The following PCDHGA5 variants were observed in gnomAD, a reference collection of about 807,000 sequenced individuals.
PCDHGA5 encodes protocadherin gamma subfamily A, 5.
A neutral mutation model predicts 56.7 loss-of-function variants in PCDHGA5; 36 were observed. That is an observed-to-expected ratio of 0.64 (90% CI 0.49 to 0.84). The LOEUF is 0.84. Among genes scored for constraint, PCDHGA5 ranks in the 40% least tolerant of loss-of-function variants. PCDHGA5 has a pLI of 0.00. For synonymous variants in PCDHGA5, 563 were observed against 520.2 expected (o/e 1.08, Z -1.12); for missense variants, 1,305 against 1,201.5 (o/e 1.09, Z -1.27).
At position 141,485,348 on chromosome 5, in the gene PCDHGA5, C is replaced by A; in HGVS notation, c.2422-9459C>A. ...AGATTTCCTGCTGGATACGGACAGT[C>A]TGTCAGCTCGCAGGCTGCAGGTCGC... On this transcript the variant is annotated intron_variant, in intron 1 of 3. Coordinates refer to ENST00000518069, the MANE Select transcript of PCDHGA5 (RefSeq NM_018918.3). This position sits in a 1 kb window ranked among gnomAD's most constrained non-coding sequence, Gnocchi z 5.7. 6.2e-7 allele frequency: 1 copy of A among 1,614,146 alleles called. No individual in the cohort carries two copies. Among genetic ancestry groups the A allele is most frequent in the Non-Finnish European group, 8.5e-7 (1 of 1,180,008 alleles).
At chr5:141,422,950 G>A (rs1388735971) in intron 1 of PCDHGA5, 2 of 1,614,230 alleles carry the variant, frequency 1.2e-6, no homozygotes, top group South Asian at 1.1e-5. Flanking sequence ...CGGCTCCACT[G>A]GCGTGGAGCT....
chr5:141,460,783 T>G (rs1000959104), intron 1 of PCDHGA5, among the ~76,000 whole-genome samples: 1 of 152,030 alleles, frequency 6.6e-6, no homozygotes, highest in Non-Finnish European at 1.5e-5. Flanking sequence ...TGTATACATA[T>G]ATACACACAA....
At position 141,485,163 on chromosome 5, in the gene PCDHGA5, G is replaced by A. The variant is rs2099608470; in HGVS notation, c.2422-9644G>A. 14 of 1,604,624 alleles carry A rather than the reference G, an allele frequency of 8.7e-6. No individual in the cohort carries two copies. The highest frequency in any genetic ancestry group is 1.1e-5 in the Non-Finnish European group (13 of 1,172,560). ...TCTCAGGAGCAAGTAGAGAATTAGCGGGCGGCAGCAATGCTCCGCAAGGTG... is the reference window on the plus strand; with the variant it reads ...TCTCAGGAGCAAGTAGAGAATTAGCAGGCGGCAGCAATGCTCCGCAAGGTG... On this transcript the variant is annotated intron_variant, in intron 1 of 3. Coordinates refer to ENST00000518069, the MANE Select transcript of PCDHGA5 (RefSeq NM_018918.3). The surrounding 1 kb of genome is among the most constrained non-coding windows in gnomAD (Gnocchi z 5.7).
At chr5:141,478,870 G>A (rs1463992722) in intron 1 of PCDHGA5, 6 of 1,273,242 alleles carry the variant, frequency 4.7e-6, no homozygotes, top group Non-Finnish European at 5.2e-6. Flanking sequence ...AGCGATCAGA[G>A]TTTAGCTTGG....
At chr5:141,389,445 G>C in intron 1 of PCDHGA5, 3 of 1,610,528 alleles carry the variant, frequency 1.9e-6, no homozygotes, top group Non-Finnish European at 2.5e-6. Flanking sequence ...CTTCGACCAC[G>C]AGCAGCTGCG....
intron 1 of PCDHGA5, chr5:141,373,858 G>A: frequency 2.2e-6 from 1 of 460,298 alleles, no homozygotes. Context: ...CGTCGCTGTT[G>A]ACCAACCTGG....
intron 1 of PCDHGA5, chr5:141,415,740 GTTTTTTTTTTTTTTTTTTTTT>G: frequency 1.6e-6 from 1 of 617,990 alleles, no homozygotes; most frequent in Non-Finnish European, 2.1e-6. Context: ...GTTTATTAAG[GTTTTTTTTTTTTTTTTTTTTT>G]TTTTTTTTTT....
intron 1 of PCDHGA5, chr5:141,374,262 C>T (rs369097101): frequency 6.2e-7 from 1 of 1,613,942 alleles, no homozygotes; most frequent in Non-Finnish European, 8.5e-7. Flanking sequence ...CAGGAGTTGG[C>T]GGAGCACGGA....
intron 1 of PCDHGA5, chr5:141,414,320 A>G: frequency 1.9e-6 from 3 of 1,613,840 alleles, no homozygotes; most frequent in Middle Eastern, 1.6e-4. Flanking sequence ...GACTCTGAGC[A>G]GAATGGACAG....
intron 1 of PCDHGA5, chr5:141,384,446 C>T (rs781605513): frequency 5.6e-6 from 9 of 1,614,034 alleles, no homozygotes; most frequent in South Asian, 4.4e-5. Context: ...GTCCTGTACG[C>T]GCTGCAATCC....
chr5:141,403,707 T>C (rs2094445205), intron 1 of PCDHGA5: 2 of 1,613,778 alleles, frequency 1.2e-6, no homozygotes, highest in African/African-American at 2.7e-5. Flanking sequence ...GTTAAAGTCC[T>C]TGAGAACGTG....
In PCDHGA5 at chr5:141,489,958, C is replaced by T; in HGVS notation, c.2422-4849C>T. 1 of 1,614,202 alleles carries T rather than the reference C, an allele frequency of 6.2e-7. No individual in the cohort carries two copies. The highest frequency in any genetic ancestry group is 8.5e-7 in the Non-Finnish European group (1 of 1,180,016). On this transcript the variant is annotated intron_variant, in intron 1 of 3. Transcript: ENST00000518069. This position sits in a 1 kb window ranked among gnomAD's most constrained non-coding sequence, Gnocchi z 4.5. ...CGTGCTGGACATCAATGATAATGCT[C>T]CAACCTTCCAATCCTCAGTTCTACG... is the stretch of plus-strand genomic sequence containing the variant.
In PCDHGA5 at chr5:141,422,911, G is replaced by C. The variant is rs375046528; in HGVS notation, c.2421+56160G>C. ...GCTGGACCAGAACGACAATGCGCCC[G>C]AGATCCTGTACCCTGCCCTCCCCAC... On this transcript the variant is annotated intron_variant, in intron 1 of 3. Transcript: ENST00000518069. 41 of 1,614,236 alleles carry C rather than the reference G, an allele frequency of 2.5e-5. No individual in the cohort carries two copies. Among genetic ancestry groups the C allele is most frequent in the Non-Finnish European group, 3.2e-5 (38 of 1,180,046 alleles).
At chr5:141,374,945 A>T (rs779694385) in intron 1 of PCDHGA5, 1 of 1,614,034 alleles carries the variant, frequency 6.2e-7, no homozygotes, top group Non-Finnish European at 8.5e-7. Context: ...TACAGAAAAG[A>T]TCTCACAAAT....
chr5:141,487,622 C>T lies in PCDHGA5; in HGVS notation c.2422-7185C>T. Reference sequence around the variant, plus strand: ...TCTTCTCTATGGGCTAGAGGTGAGACCTTTGCAGGCTCAACAAATGCTTGA... The same window carrying T: ...TCTTCTCTATGGGCTAGAGGTGAGATCTTTGCAGGCTCAACAAATGCTTGA... On this transcript the variant is annotated intron_variant, in intron 1 of 3. Coordinates refer to ENST00000518069, the MANE Select transcript of PCDHGA5 (RefSeq NM_018918.3). This position sits in a 1 kb window ranked among gnomAD's most constrained non-coding sequence, Gnocchi z 5.0. 1.2e-6 allele frequency: 2 copies of T among 1,614,174 alleles called. No homozygotes were observed. Among genetic ancestry groups the T allele is most frequent in the South Asian group, 1.1e-5 (1 of 91,084 alleles).
intron 1 of PCDHGA5, chr5:141,478,285 T>G (rs1468354835): frequency 6.2e-7 from 1 of 1,614,040 alleles, no homozygotes; most frequent in Non-Finnish European, 8.5e-7. Context: ...GGAAGCAGTC[T>G]AGAGACCTAT....
intron 1 of PCDHGA5, among the ~76,000 whole-genome samples, chr5:141,368,272 C>G (rs1227481804): frequency 1.3e-5 from 2 of 152,064 alleles, no homozygotes; most frequent in Non-Finnish European, 2.9e-5. Flanking sequence ...ATTAAAGAAC[C>G]TAAGACCACT....
At position 141,432,540 on chromosome 5, in the gene PCDHGA5, T is replaced by A. The variant is rs147884705; in HGVS notation, c.2422-62267T>A. 7.6e-4 allele frequency: 1,222 copies of A among 1,613,608 alleles called. 1 individual carries two copies. The highest frequency in any genetic ancestry group is 1.1e-3 in the Admixed American group (64 of 59,988). ...TACCTGGTGACCAAGGTGGTGGCGG[T>A]GGACAGAGACTCCGGCCAGAACGCC... On this transcript the variant is annotated intron_variant, in intron 1 of 3. Transcript: ENST00000518069. This position sits in a 1 kb window ranked among gnomAD's most constrained non-coding sequence, Gnocchi z 6.0.
intron 1 of PCDHGA5, among the ~76,000 whole-genome samples, chr5:141,474,448 A>G (rs1350019257): frequency 3.3e-5 from 5 of 152,204 alleles, no homozygotes; most frequent in Non-Finnish European, 5.9e-5. Context: ...GTAGCAAGTG[A>G]TTGGGCTATA....
Sources: allele counts gnomAD v4.1 joint callset (sites outside exome capture counted in the v4.1 genomes callset), GRCh38; gene constraint gnomAD v4.1.1; non-coding constraint Gnocchi (gnomAD v3.1); transcripts MANE v1.5; gene names NCBI Gene and HGNC (gene_info 2026-07-23, HGNC 2026-07-21).